RASA3: variants seen among roughly 807,000 people sequenced by gnomAD.
The protein encoded by RASA3 is ras GTPase-activating protein 3.
Under a neutral mutation model 110.0 loss-of-function variants are expected in RASA3, and 73 were observed. The ratio of observed to expected loss-of-function variants is 0.66; its 90% confidence interval spans 0.55 to 0.81. RASA3 has a LOEUF of 0.81. Ranked by LOEUF, RASA3 falls within the 30% of genes least tolerant of loss-of-function variation. The probability of loss-of-function intolerance (pLI) is 0.00; values close to 1 mark genes in which losing one functional copy is unlikely to be tolerated. For missense variants in RASA3, 976 were observed against 1,113.2 expected (o/e 0.88, Z 1.75); for synonymous variants, 500 against 451.4 (o/e 1.11, Z -1.37).
chr13:113,995,589 AGAGGCCCGGCTGATGG>A (rs2053213225), intron 21 of RASA3, among the ~76,000 whole-genome samples: 2 of 151,690 alleles, frequency 1.3e-5, no homozygotes, highest in Admixed American at 1.3e-4. Context: ...TGCAACTGCC[AGAGGCCCGGCTGATGG>A]GGGGCCCTGC....
chr13:113,982,374 C>T (rs1256424820), intron 22 of RASA3, among the ~76,000 whole-genome samples: 1 of 152,214 alleles, frequency 6.6e-6, no homozygotes, highest in Non-Finnish European at 1.5e-5. Context: ...CAGGGCTGGC[C>T]GAGCACAGGG....
chr13:114,027,190 C>G (rs1279794505), intron 7 of RASA3, among the ~76,000 whole-genome samples, 199 bp downstream of exon 7: 1 of 151,796 alleles, frequency 6.6e-6, no homozygotes, highest in Non-Finnish European at 1.5e-5. Flanking sequence ...TGGGCTCGCT[C>G]CTCTCCGGAA....
rs543714707 is a variant in RASA3, at chr13:114,073,764, G to C, written c.129C>G (p.Asp43Glu). 1 of 1,614,204 alleles carries C rather than the reference G, an allele frequency of 6.2e-7. No homozygotes were observed. The highest frequency in any genetic ancestry group is 1.1e-5 in the South Asian group (1 of 91,084). The change falls in exon 2 of 24, where the codon GAC becomes GAG. Residue 43 changes from aspartate (D) to glutamate (E), a missense_variant. Around this residue, in one of 4 missense-constraint regions of RASA3, gnomAD observed 732 missense variants for 779.7 expected, o/e 0.94. Transcript: ENST00000334062. ...MRDCYCTVNL[D>E]QEEVFRTKIV... ...TTTTGGTCCTGAAAACCTCCTCCTG[G>C]TCCAGGTTCACCGTGCAGTAGCAAT... is the stretch of plus-strand genomic sequence containing the variant.
chr13:114,070,312 A>C (rs1003665452), intron 2 of RASA3, among the ~76,000 whole-genome samples: 2 of 151,908 alleles, frequency 1.3e-5, no homozygotes, highest in African/African-American at 4.8e-5. Flanking sequence ...GGCCAGGACT[A>C]AACTCCCCAG....
chr13:114,063,954 T>C (rs1413663663), intron 2 of RASA3, among the ~76,000 whole-genome samples: 1 of 152,266 alleles, frequency 6.6e-6, no homozygotes, highest in African/African-American at 2.4e-5. Context: ...TCTCATTTTT[T>C]CTTGAAATGC....
intron 1 of RASA3, among the ~76,000 whole-genome samples, chr13:114,083,431 G>A (rs991463963): frequency 6.6e-6 from 1 of 152,256 alleles, no homozygotes; most frequent in Non-Finnish European, 1.5e-5. Flanking sequence ...CCCGTTCAGA[G>A]GCACCCACAC....
intron 7 of RASA3, among the ~76,000 whole-genome samples, chr13:114,025,117 T>G (rs2054003804): frequency 6.6e-6 from 1 of 152,140 alleles, no homozygotes; most frequent in African/African-American, 2.4e-5. Context: ...CTGCCCGGCC[T>G]CCCTCCCTGC....
At chr13:114,046,726 T>C (rs2079057995) in intron 3 of RASA3, among the ~76,000 whole-genome samples, 1 of 151,938 alleles carries the variant, frequency 6.6e-6, no homozygotes, top group Admixed American at 6.5e-5. Context: ...GCCTTCAGAG[T>C]CCAGTCCCGC....
At chr13:114,092,050 T>C (rs187174044) in intron 1 of RASA3, among the ~76,000 whole-genome samples, 96 of 151,860 alleles carry the variant, frequency 6.3e-4, no homozygotes, top group Non-Finnish European at 1.3e-3. Flanking sequence ...ATTTTATTTA[T>C]TGGGGTCTTA....
At chr13:114,094,774 TA>T (rs2079923659) in intron 1 of RASA3, among the ~76,000 whole-genome samples, 1 of 152,230 alleles carries the variant, frequency 6.6e-6, no homozygotes, top group Non-Finnish European at 1.5e-5. Context: ...TATTTTTATT[TA>T]TGCATTTTGT....
chr13:114,026,529 G>C (rs369581073), intron 7 of RASA3, among the ~76,000 whole-genome samples: 1 of 152,158 alleles, frequency 6.6e-6, no homozygotes, highest in Admixed American at 6.5e-5. Context: ...GGGCCCTTTC[G>C]AGCCTCAGCA....
At chr13:114,018,615 T>C in intron 10 of RASA3, 148 bp downstream of exon 10, 1 of 1,030,786 alleles carries the variant, frequency 9.7e-7, no homozygotes. Flanking sequence ...GGTCCAGGCA[T>C]CTGGACGGGA....
intron 22 of RASA3, among the ~76,000 whole-genome samples, chr13:113,991,878 C>A (rs926801395): frequency 6.6e-6 from 1 of 152,288 alleles, no homozygotes; most frequent in East Asian, 1.9e-4. Context: ...GCTCACGTGT[C>A]CCCACACACA....
At chr13:114,102,744 C>G (rs117830629) in intron 1 of RASA3, among the ~76,000 whole-genome samples, 2,082 of 152,284 alleles carry the variant, frequency 0.014, 128 homozygotes, top group Admixed American at 0.098. Context: ...GGCGACGCTC[C>G]CGACTAAACC....
chr13:114,041,378 A>G (rs1284243699), intron 3 of RASA3, among the ~76,000 whole-genome samples: 1 of 152,252 alleles, frequency 6.6e-6, no homozygotes, highest in African/African-American at 2.4e-5. Flanking sequence ...AATTGATATT[A>G]AAAAGTCAAA....
intron 1 of RASA3, among the ~76,000 whole-genome samples, chr13:114,081,392 G>A (rs117349356): frequency 0.014 from 2,123 of 152,304 alleles, 132 homozygotes; most frequent in Admixed American, 0.1. Context: ...CGCGGGGGCC[G>A]CATCACCCAG....
chr13:114,001,793 G>A (rs1324379295), intron 18 of RASA3, among the ~76,000 whole-genome samples: 1 of 152,172 alleles, frequency 6.6e-6, no homozygotes, highest in East Asian at 1.9e-4. Context: ...GCCGGGGCAG[G>A]CAGCAGACGC....
At chr13:113,989,385 C>T (rs1274995346) in intron 22 of RASA3, among the ~76,000 whole-genome samples, 6 of 148,698 alleles carry the variant, frequency 4.0e-5, no homozygotes, top group African/African-American at 1.5e-4. Flanking sequence ...CCATCACTCA[C>T]CCATCCGTCC....
chr13:114,070,075 G>GA (rs551393766), intron 2 of RASA3, among the ~76,000 whole-genome samples: 1,367 of 89,412 alleles, frequency 0.015, 36 homozygotes, highest in Middle Eastern at 0.043. Context: ...GAGACTCGGG[G>GA]AGCCGGGAGA....
Sources: gnomAD v4.1 joint callset for allele counts (sites outside exome capture counted in the v4.1 genomes callset) on GRCh38, gnomAD v4.1.1 for gene constraint, gnomAD v4.1.1 regional missense constraint, MANE v1.5 for transcripts, NCBI Gene and HGNC (gene_info 2026-07-23, HGNC 2026-07-21) for gene names.